MYO3A: variants seen among roughly 807,000 people sequenced by gnomAD.
The protein encoded by MYO3A is myosin-IIIa.
In MYO3A, 180 loss-of-function variants were observed where a neutral mutation model predicts 192.7. The ratio of observed to expected loss-of-function variants is 0.93; its 90% CI spans 0.83 to 1.06. The LOEUF is 1.06. Among genes scored for constraint, MYO3A ranks in the 50% least tolerant of loss-of-function variants. MYO3A has a pLI of 0.00. For synonymous variants in MYO3A, 628 were observed against 645.3 expected, an observed-to-expected ratio of 0.97 and a Z score of 0.41; for missense variants, 1,896 against 1,905.0, an observed-to-expected ratio of 1.00 and a Z score of 0.09.
At chr10:25,967,482 C>A (rs1357538726) in intron 4 of MYO3A, among the ~76,000 whole-genome samples, 1 of 152,104 alleles carries the variant, frequency 6.6e-6, no homozygotes, top group Non-Finnish European at 1.5e-5. Context: ...CCTGCCAGAG[C>A]AAAATTCAAC....
chr10:26,061,508 T>G (rs1834476907), intron 10 of MYO3A, among the ~76,000 whole-genome samples: 1 of 151,884 alleles, frequency 6.6e-6, no homozygotes, highest in Non-Finnish European at 1.5e-5. Context: ...AAGTACAGAG[T>G]CTTGAAAATG....
At chr10:25,981,247 T>C (rs180937633) in intron 4 of MYO3A, among the ~76,000 whole-genome samples, 75 of 152,312 alleles carry the variant, frequency 4.9e-4, no homozygotes, top group African/African-American at 1.8e-3. Flanking sequence ...TGTACTGTTA[T>C]AATTTGACAT....
Position 26,174,107 on chromosome 10 carries a change from T to C in MYO3A, c.3843T>C (p.Phe1281=). Residue 1281 remains phenylalanine, a synonymous_variant, in exon 30 of 35, where the codon TTT becomes TTC. Coordinates refer to ENST00000642920, the MANE Select transcript of MYO3A (RefSeq NM_017433.5). ...GGTTAGCTGAAAATGAGACTTCCTT[T>C]AAAAAAACTTTGGAACCTACACTTA... ...VPWLAENETS[F]KKTLEPTLSQ... is the part of the protein sequence containing the mutation. 1 of 1,614,146 alleles carries C rather than the reference T, an allele frequency of 6.2e-7. No individual in the cohort carries two copies. Among genetic ancestry groups the C allele is most frequent in the Middle Eastern group, 1.6e-4 (1 of 6,062 alleles).
At chr10:25,937,384 C>T (rs968293930) in intron 2 of MYO3A, among the ~76,000 whole-genome samples, 9 of 151,366 alleles carry the variant, frequency 5.9e-5, no homozygotes, top group African/African-American at 2.2e-4. Context: ...CTAACTTGAA[C>T]GGTTAATTAT....
chr10:26,167,272 A>G (rs1841804499), intron 27 of MYO3A, among the ~76,000 whole-genome samples: 1 of 151,778 alleles, frequency 6.6e-6, no homozygotes, highest in African/African-American at 2.4e-5. Flanking sequence ...TGGATGAGAA[A>G]CTATCCCTGT....
At chr10:26,002,352 A>G (rs979628212) in intron 6 of MYO3A, among the ~76,000 whole-genome samples, 1 of 152,196 alleles carries the variant, frequency 6.6e-6, no homozygotes, top group Non-Finnish European at 1.5e-5. Flanking sequence ...AGTTACTTCT[A>G]TAGAAGGATG....
At position 26,174,236 on chromosome 10, in the gene MYO3A, C is replaced by A; in HGVS notation, c.3972C>A (p.Gly1324=). The A allele has an allele frequency of 3.7e-6, 6 of 1,613,990 alleles. No individual in the cohort carries two copies. Among genetic ancestry groups the A allele is most frequent in the Non-Finnish European group, 5.1e-6 (6 of 1,179,924 alleles). Reference sequence around the variant, plus strand: ...TATGCAGCCAGGAGGAAGGCAGAGGCCGTCTGAGGCATGAGACAGTCAAAG... The same window carrying A: ...TATGCAGCCAGGAGGAAGGCAGAGGACGTCTGAGGCATGAGACAGTCAAAG... ...APICSQEEGR[G]RLRHETVKER... is the part of the protein sequence containing the mutation. The change falls in exon 30 of 35, where the codon GGC becomes GGA. Residue 1324 remains glycine (G), a synonymous_variant. Transcript: ENST00000642920.
At chr10:26,010,607 G>A (rs1340773575) in intron 6 of MYO3A, among the ~76,000 whole-genome samples, 1 of 152,056 alleles carries the variant, frequency 6.6e-6, no homozygotes, top group Non-Finnish European at 1.5e-5. Flanking sequence ...GGGACTACAG[G>A]CACACACCAC....
At chr10:26,013,320 TCAAC>T (rs1364362253) in intron 6 of MYO3A, among the ~76,000 whole-genome samples, 1 of 132,208 alleles carries the variant, frequency 7.6e-6, no homozygotes, top group Non-Finnish European at 1.8e-5. Flanking sequence ...GAATAAATAA[TCAAC>T]GGAATAAACA....
chr10:26,199,116 C>T (rs1232192965), intron 32 of MYO3A, among the ~76,000 whole-genome samples: 1 of 152,216 alleles, frequency 6.6e-6, no homozygotes, highest in African/African-American at 2.4e-5. Flanking sequence ...AAGCCTCCAT[C>T]TTAATGCACC....
rs979984064 is a variant in MYO3A, at chr10:26,125,641, A to G, written c.2114+33A>G. 3 of 1,559,422 alleles carry G rather than the reference A, an allele frequency of 1.9e-6. No homozygotes were observed. In the African/African-American group the frequency reaches 4.1e-5, roughly 21 times the overall value. ...TTTTTACAGAAACATTTTTTTCCCAAATGTCAGGTGATGTAAGTCTACTTT... is the reference window on the plus strand; with the variant it reads ...TTTTTACAGAAACATTTTTTTCCCAGATGTCAGGTGATGTAAGTCTACTTT... On this transcript the variant is annotated intron_variant, in intron 19 of 34. Coordinates refer to ENST00000642920, the MANE Select transcript of MYO3A (RefSeq NM_017433.5).
intron 34 of MYO3A, among the ~76,000 whole-genome samples, chr10:26,208,493 TAAC>T (rs1844076224): frequency 6.6e-6 from 1 of 152,172 alleles, no homozygotes; most frequent in African/African-American, 2.4e-5. Flanking sequence ...AAATTGAAAA[TAAC>T]AAGAATCTAA....
intron 10 of MYO3A, among the ~76,000 whole-genome samples, chr10:26,044,219 C>T (rs181479800): frequency 6.6e-6 from 1 of 152,332 alleles, no homozygotes; most frequent in Non-Finnish European, 1.5e-5. Context: ...ACTCTTAACT[C>T]TCCTCTTCTC....
chr10:26,202,846 C>T, intron 33 of MYO3A, 118 bp from the exon 34 acceptor site: 1 of 1,124,532 alleles, frequency 8.9e-7, no homozygotes, highest in Non-Finnish European at 1.3e-6. Context: ...TTTCTATTGA[C>T]ATGTGTATGT....
rs576237613 is a variant in MYO3A at position 26,081,836 on chromosome 10, A to T, written c.1360-6367A>T. On this transcript the variant is annotated intron_variant, in intron 14 of 34. Coordinates refer to ENST00000642920, the MANE Select transcript of MYO3A (RefSeq NM_017433.5). ...CCCACAAACAGACCTTCACCTTCTC[A>T]GCTTCTCCAGTGGGGATGTGTGTTC... is the stretch of plus-strand genomic sequence containing the variant. Among the ~76,000 whole-genome samples the T allele has an allele frequency of 4.6e-5, 7 of 152,238 alleles. No individual in the cohort carries two copies. In the South Asian group the frequency reaches 1.4e-3, roughly 32 times the overall value.
chr10:26,198,476 T>G, intron 32 of MYO3A, among the ~76,000 whole-genome samples: 1 of 152,192 alleles, frequency 6.6e-6, no homozygotes, highest in Non-Finnish European at 1.5e-5. Context: ...TATTATTCTT[T>G]CCAGTACTTT....
intron 4 of MYO3A, among the ~76,000 whole-genome samples, chr10:25,991,136 A>G (rs1428724927): frequency 3.3e-5 from 5 of 152,308 alleles, no homozygotes; most frequent in Middle Eastern, 3.4e-3. Flanking sequence ...CCAACAGTGT[A>G]AAAGTGTTCC....
chr10:26,150,141 C>G (rs547378798), intron 23 of MYO3A, among the ~76,000 whole-genome samples: 2 of 152,120 alleles, frequency 1.3e-5, no homozygotes, highest in South Asian at 4.1e-4. Flanking sequence ...AATGCTGTAT[C>G]TGTTAAATGG....
intron 17 of MYO3A, among the ~76,000 whole-genome samples, chr10:26,114,902 C>T (rs1838409344): frequency 6.6e-6 from 1 of 152,074 alleles, no homozygotes; most frequent in Non-Finnish European, 1.5e-5. Flanking sequence ...AACACGAAGT[C>T]TGGGGTGGAA....
Sources: gnomAD v4.1 joint callset for allele counts (sites outside exome capture counted in the v4.1 genomes callset) on GRCh38, gnomAD v4.1.1 for gene constraint, MANE v1.5 for transcripts, NCBI Gene and HGNC (gene_info 2026-07-23, HGNC 2026-07-21) for gene names.